Variants in SPTAN1 observed in about 807,000 individuals in gnomAD.
SPTAN1 encodes spectrin alpha chain, non-erythrocytic 1.
A neutral mutation model predicts 331.3 loss-of-function variants in SPTAN1; 61 were observed. The ratio of observed to expected loss-of-function variants is 0.18; its 90% CI spans 0.15 to 0.23. The LOEUF (loss-of-function observed/expected upper bound fraction) is 0.23. Ranked by LOEUF, SPTAN1 falls within the 10% of genes least tolerant of loss-of-function variation. SPTAN1 has a pLI of 1.00. For synonymous variants in SPTAN1, 1,153 were observed against 1,173.9 expected (o/e 0.98, Z 0.36); for missense variants, 2,043 against 3,147.9 (o/e 0.65, Z 8.40).
At position 128,587,494 on chromosome 9, in the gene SPTAN1, G is replaced by A. The variant is rs7027388; in HGVS notation, c.2779-112G>A. ...TGTAAGAAGGGCAGGAGGTGATTACGTCATTGTGCAACTGAGAAAGGCTGT... is the reference window on the plus strand; with the variant it reads ...TGTAAGAAGGGCAGGAGGTGATTACATCATTGTGCAACTGAGAAAGGCTGT... On this transcript the variant is annotated intron_variant, in intron 19 of 56. Coordinates refer to ENST00000372739, the MANE Select transcript of SPTAN1 (RefSeq NM_001130438.3). 820,169 of 831,364 alleles carry A rather than the reference G, an allele frequency of 0.99. 404,954 individuals carry two copies. The highest frequency in any genetic ancestry group is 1 in the Non-Finnish European group (477,102 of 477,326). 51.5% of individuals were successfully genotyped at this position (831,364 alleles called of 1,614,324 possible).
intron 31 of SPTAN1, among the ~76,000 whole-genome samples, chr9:128,606,819 C>G: frequency 6.6e-6 from 1 of 152,128 alleles, no homozygotes; most frequent in Middle Eastern, 3.4e-3. Context: ...GTAAAAGCCA[C>G]GTAACATACA....
Position 128,570,426 on chromosome 9 carries a change from C to T in SPTAN1, c.363+1529C>T, listed in dbSNP as rs1292230381. Among the ~76,000 whole-genome samples, 5 of 149,150 alleles carry T rather than the reference C, an allele frequency of 3.4e-5. 1 individual carries two copies. The highest frequency in any genetic ancestry group is 1.2e-4 in the African/African-American group (5 of 40,382). On this transcript the variant is annotated intron_variant, in intron 3 of 56. Coordinates refer to ENST00000372739, the MANE Select transcript of SPTAN1 (RefSeq NM_001130438.3). ...GATCTCAGCTCACTGCAACCTCCAC[C>T]TCCTGGGTTCAAGCAATTCTCCTGC...
rs756099218 is a variant in SPTAN1 at position 128,604,338 on chromosome 9, C to T, written c.3640C>T (p.Arg1214Cys). Reference protein sequence around the residue: ...TFNSIKELNERWRSLQQLAEE... With the variant: ...TFNSIKELNECWRSLQQLAEE... ...TGCTGTCCTGCAGGAGCTGAATGAG[C>T]GCTGGCGGTCCCTACAGCAGCTGGC... Residue 1214 changes from arginine to cysteine, a missense_variant, in exon 29 of 57, where the codon CGC becomes TGC. By Grantham distance (180) the Arg-to-Cys change is radical (BLOSUM62 -3). Coordinates refer to ENST00000372739, the MANE Select transcript of SPTAN1 (RefSeq NM_001130438.3). 1.4e-5 allele frequency: 22 copies of T among 1,613,832 alleles called. No individual in the cohort carries two copies. The highest frequency in any genetic ancestry group is 7.7e-5 in the South Asian group (7 of 91,008).
chr9:128,576,674 G>A, intron 5 of SPTAN1, 149 bp from the exon 6 acceptor site: 1 of 1,077,458 alleles, frequency 9.3e-7, no homozygotes, highest in Non-Finnish European at 1.4e-6. Context: ...TGGAGTTGTA[G>A]TTCACTTTGT....
chr9:128,570,868 T>G (rs1223328598), intron 3 of SPTAN1, among the ~76,000 whole-genome samples: 1 of 151,750 alleles, frequency 6.6e-6, no homozygotes, highest in Non-Finnish European at 1.5e-5. Flanking sequence ...TCCATGTTAG[T>G]CAAGCTGGTC....
At position 128,582,476 on chromosome 9, in the gene SPTAN1, T is replaced by G; in HGVS notation, c.1573-3T>G. 1.9e-6 allele frequency: 3 copies of G among 1,614,130 alleles called. No homozygotes were observed. The highest frequency in any genetic ancestry group is 2.5e-6 in the Non-Finnish European group (3 of 1,179,978). On this transcript the variant is annotated splice_region_variant and splice_polypyrimidine_tract_variant and intron_variant, in intron 12 of 56. Coordinates refer to ENST00000372739, the MANE Select transcript of SPTAN1 (RefSeq NM_001130438.3). ...AATGAAGAACTCTTATCTTCCTTCC[T>G]AGGCATTAGATGAATTTGCAACCAA...
Position 128,612,249 on chromosome 9 carries a change from A to G in SPTAN1, c.5043+3A>G. On this transcript the variant is annotated splice_donor_region_variant and intron_variant, in intron 39 of 56. Coordinates refer to ENST00000372739, the MANE Select transcript of SPTAN1 (RefSeq NM_001130438.3). ...ACTTTGACTTCTGGCTGTCTGAGGT[A>G]ACACTGAGTGGTTCCTCTTCCTACC... 1 of 1,614,184 alleles carries G rather than the reference A, an allele frequency of 6.2e-7. No homozygotes were observed. The highest frequency in any genetic ancestry group is 8.5e-7 in the Non-Finnish European group (1 of 1,180,028).
chr9:128,612,051 A>C, intron 38 of SPTAN1, 58 bp from the exon 39 acceptor site: 1 of 1,613,778 alleles, frequency 6.2e-7, no homozygotes, highest in Non-Finnish European at 8.5e-7. Flanking sequence ...ATTGAGCTTT[A>C]GGAGAGGGAC....
At chr9:128,601,603 G>A (rs1018018818) in intron 27 of SPTAN1, among the ~76,000 whole-genome samples, 1 of 152,080 alleles carries the variant, frequency 6.6e-6, no homozygotes, top group Non-Finnish European at 1.5e-5. Context: ...AAAAAAGTAG[G>A]CCTTCTCCTC....
intron 31 of SPTAN1, 142 bp downstream of exon 31, chr9:128,605,619 G>A (rs1165122801): frequency 1.9e-6 from 2 of 1,044,930 alleles, no homozygotes; most frequent in Non-Finnish European, 2.8e-6. Flanking sequence ...CAAGGCAAGC[G>A]AATTGCTTGA....
At chr9:128,606,801 T>C (rs1855951341) in intron 31 of SPTAN1, among the ~76,000 whole-genome samples, 1 of 151,980 alleles carries the variant, frequency 6.6e-6, no homozygotes, top group Admixed American at 6.6e-5. Flanking sequence ...TTTCTTCTTT[T>C]TATTGAGGTA....
intron 19 of SPTAN1, among the ~76,000 whole-genome samples, chr9:128,587,113 G>A (rs773759802): frequency 6.6e-6 from 1 of 152,052 alleles, no homozygotes; most frequent in Non-Finnish European, 1.5e-5. Context: ...GAGGCACCGC[G>A]CTCGTTCTGT....
At chr9:128,613,193 G>A (rs1482666913) in intron 39 of SPTAN1, among the ~76,000 whole-genome samples, 188 bp from the exon 40 acceptor site, 3 of 152,170 alleles carry the variant, frequency 2.0e-5, no homozygotes, top group Non-Finnish European at 2.9e-5. Flanking sequence ...TTGACTGACC[G>A]AGTGGAGAGA....
intron 25 of SPTAN1, 70 bp from the exon 26 acceptor site, chr9:128,598,893 C>A: frequency 7.1e-7 from 1 of 1,417,624 alleles, no homozygotes; most frequent in Non-Finnish European, 1.0e-6. Flanking sequence ...CCAGGTTTGG[C>A]CATAATAAGT....
In SPTAN1 at chr9:128,575,321, C is replaced by G; in HGVS notation, c.627C>G (p.Asn209Lys). The G allele has an allele frequency of 6.2e-7, 1 of 1,613,154 alleles. No homozygotes were observed. Among genetic ancestry groups the G allele is most frequent in the South Asian group, 1.1e-5 (1 of 91,086 alleles). The part of the protein sequence containing the change: ...AAHEERVNEV[N>K]QFAAKLIQEQ... Reference sequence around the variant, plus strand: ...ATGAAGAAAGAGTTAATGAAGTGAACCAGTTTGCTGCCAAACTCATACAGG... The same window carrying G: ...ATGAAGAAAGAGTTAATGAAGTGAAGCAGTTTGCTGCCAAACTCATACAGG... Residue 209 changes from asparagine to lysine, a missense_variant, in exon 5 of 57, where the codon AAC becomes AAG. By Grantham distance (94) the Asn-to-Lys change is moderately conservative (BLOSUM62 0). Transcript: ENST00000372739.
intron 24 of SPTAN1, 31 bp from the exon 25 acceptor site, chr9:128,598,369 G>A: frequency 6.4e-7 from 1 of 1,572,460 alleles, no homozygotes; most frequent in Non-Finnish European, 8.7e-7. Flanking sequence ...TGCTATTTTG[G>A]GTTTTAGTTA....
intron 31 of SPTAN1, among the ~76,000 whole-genome samples, chr9:128,606,306 C>T (rs1329079949): frequency 2.6e-5 from 3 of 116,548 alleles, no homozygotes; most frequent in South Asian, 3.1e-4. Flanking sequence ...AACCTGGAGG[C>T]GGAGGTTGCA....
intron 3 of SPTAN1, among the ~76,000 whole-genome samples, 174 bp from the exon 4 acceptor site, chr9:128,574,501 A>G (rs1258164637): frequency 5.3e-5 from 8 of 152,050 alleles, no homozygotes; most frequent in Non-Finnish European, 1.0e-4. Flanking sequence ...TGAACTGTGG[A>G]CTTTTCCCTA....
rs140856932 is a variant in SPTAN1 at position 128,630,342 on chromosome 9, G to A, written c.6729G>A (p.Ser2243=). The A allele has an allele frequency of 4.3e-6, 7 of 1,612,796 alleles. No individual in the cohort carries two copies. The highest frequency in any genetic ancestry group is 1.1e-5 in the South Asian group (1 of 91,022). ...TTAGGTCCTGTATGGTGGAAGAGTC[G>A]GGGACCCTCGAATCCCAGCTTGAAG... is the stretch of plus-strand genomic sequence containing the variant. The part of the protein sequence containing the change: ...LLDGSCMVEE[S]GTLESQLEAT... The change falls in exon 52 of 57, where the codon TCG becomes TCA. Residue 2243 remains serine (S), a synonymous_variant. Coordinates refer to ENST00000372739, the MANE Select transcript of SPTAN1 (RefSeq NM_001130438.3).
Sources: gnomAD v4.1 joint callset for allele counts (sites outside exome capture counted in the v4.1 genomes callset) on GRCh38, gnomAD v4.1.1 for gene constraint, MANE v1.5 for transcripts, NCBI Gene and HGNC (gene_info 2026-07-23, HGNC 2026-07-21) for gene names.